ATP1A3: variants seen among roughly 807,000 people sequenced by gnomAD.
ATP1A3 encodes the protein ATPase Na+/K+ transporting subunit alpha 3.
ATP1A3 carries 12 observed loss-of-function variants against 108.8 expected under a neutral mutation model. The observed-to-expected ratio is 0.11, with a 90% confidence interval of 0.07 to 0.18. ATP1A3 has a LOEUF of 0.18. Ranked by LOEUF, ATP1A3 falls within the 10% of genes least tolerant of loss-of-function variation. The pLI, the probability that ATP1A3 is intolerant of heterozygous loss-of-function variation, is 1.00. For missense variants in ATP1A3, 498 were observed against 1,387.7 expected, an observed-to-expected ratio of 0.36 and a Z score of 10.19; for synonymous variants, 539 against 564.5, an observed-to-expected ratio of 0.95 and a Z score of 0.64.
At position 41,981,379 on chromosome 19, in the gene ATP1A3, C is replaced by G; in HGVS notation, c.1437+123G>C. ...TCTCAAGCTCTCCCTGTTCCTCTCC[C>G]CACCAGGCGGGTATTATCATTCCCA... On this transcript the variant is annotated intron_variant, in intron 11 of 22. Transcript: ENST00000648268. The surrounding 1 kb of genome is among the most constrained non-coding windows in gnomAD (Gnocchi z 5.0). 1 of 1,481,836 alleles carries G rather than the reference C, an allele frequency of 6.7e-7. No individual in the cohort carries two copies. 91.8% of individuals were successfully genotyped at this position (1,481,836 alleles called of 1,614,324 possible).
At chr19:41,974,861 C>T (rs2075149058) in intron 16 of ATP1A3, among the ~76,000 whole-genome samples, 1 of 152,232 alleles carries the variant, frequency 6.6e-6, no homozygotes, top group Non-Finnish European at 1.5e-5. Context: ...CCCAGCCCCT[C>T]ACACCGCCTT....
chr19:41,992,619 T>C (rs2075351141), intron 1 of ATP1A3, among the ~76,000 whole-genome samples: 1 of 152,002 alleles, frequency 6.6e-6, no homozygotes, highest in Non-Finnish European at 1.5e-5. Flanking sequence ...TCTGTCCTTG[T>C]GTCTCTTCCT....
At chr19:41,993,456 G>GCACA (rs148508295) in intron 1 of ATP1A3, 5 of 1,514,624 alleles carry the variant, frequency 3.3e-6, no homozygotes, top group Non-Finnish European at 3.5e-6. Context: ...ATGAGGGGCT[G>GCACA]CACACACACA....
rs1313397251 is a variant in ATP1A3, at chr19:41,985,690, G to A, written c.606+174C>T. Among the ~76,000 whole-genome samples the A allele has an allele frequency of 6.6e-6, 1 of 152,014 alleles. No individual in the cohort carries two copies. The highest frequency in any genetic ancestry group is 1.5e-5 in the Non-Finnish European group (1 of 67,982). On this transcript the variant is annotated intron_variant, in intron 6 of 22. Coordinates refer to ENST00000648268, the MANE Select transcript of ATP1A3 (RefSeq NM_152296.5). This position sits in a 1 kb window ranked among gnomAD's most constrained non-coding sequence, Gnocchi z 8.2. ...ACTCCTGACTGTTGGGTGAGGAGGTGGCCCAGGGCCTAAACTCCTGGGTCT... is the reference window on the plus strand; with the variant it reads ...ACTCCTGACTGTTGGGTGAGGAGGTAGCCCAGGGCCTAAACTCCTGGGTCT...
rs2075068374 is a variant in ATP1A3, at chr19:41,968,501, T to A, written c.2819+284A>T. On this transcript the variant is annotated intron_variant, in intron 20 of 22. Coordinates refer to ENST00000648268, the MANE Select transcript of ATP1A3 (RefSeq NM_152296.5). The surrounding 1 kb of genome is among the most constrained non-coding windows in gnomAD (Gnocchi z 5.0). ...TCCAGCCTGGGCAACAGAGCAAGAC[T>A]CTGTCTCTAAATAAATAAATAAAAA... Among the ~76,000 whole-genome samples the A allele has an allele frequency of 6.6e-6, 1 of 152,118 alleles. No individual in the cohort carries two copies. The highest frequency in any genetic ancestry group is 1.5e-5 in the Non-Finnish European group (1 of 68,010).
intron 8 of ATP1A3, 42 bp downstream of exon 8, chr19:41,984,876 C>T: frequency 6.3e-7 from 1 of 1,587,774 alleles, no homozygotes; most frequent in South Asian, 1.1e-5. Flanking sequence ...GGAGCCCAGA[C>T]CCCCAGGCCC....
rs781798155 is a variant in ATP1A3 at position 41,969,406 on chromosome 19, G to T, written c.2688+29C>A. 3.1e-6 allele frequency: 5 copies of T among 1,613,900 alleles called. No homozygotes were observed. In the Admixed American group the frequency reaches 8.3e-5, roughly 27 times the overall value. On this transcript the variant is annotated intron_variant, in intron 19 of 22. Coordinates refer to ENST00000648268, the MANE Select transcript of ATP1A3 (RefSeq NM_152296.5). ...GCTCACCCCGGGGATCTTACGGTGG[G>T]CAGAGACACAGCACCCTGCCCTACT... is the stretch of plus-strand genomic sequence containing the variant.
At chr19:41,993,459 C>A in intron 1 of ATP1A3, 5 of 1,532,722 alleles carry the variant, frequency 3.3e-6, no homozygotes, top group Non-Finnish European at 4.4e-6. Flanking sequence ...AGGGGCTGCA[C>A]ACACACACAC....
chr19:41,982,349 G>A (rs1459449303), intron 8 of ATP1A3, among the ~76,000 whole-genome samples: 2 of 152,166 alleles, frequency 1.3e-5, no homozygotes, highest in Non-Finnish European at 2.9e-5. Flanking sequence ...AAAACAGCCA[G>A]GTGCAGTGGC....
chr19:41,978,247 C>T lies in ATP1A3; in HGVS notation c.1710G>A (p.Thr570=), dbSNP rs781840505. The T allele has an allele frequency of 1.9e-6, 3 of 1,613,876 alleles. No individual in the cohort carries two copies. The highest frequency in any genetic ancestry group is 2.5e-6 in the Non-Finnish European group (3 of 1,179,962). The change falls in exon 13 of 23, where the codon ACG becomes ACA. Residue 570 remains threonine (T), a synonymous_variant. Transcript: ENST00000648268. This position sits in a 1 kb window ranked among gnomAD's most constrained non-coding sequence, Gnocchi z 8.3. ...AFDCDDVNFT[T]DNLCFVGLMS... is the part of the protein sequence containing the mutation. ...TGAGGCCCACAAAGCAGAGGTTGTC[C>T]GTGGTGAAGTTCACGTCATCACAGT...
chr19:41,968,335 G>A lies in ATP1A3; in HGVS notation c.2819+450C>T, dbSNP rs968086560. On this transcript the variant is annotated intron_variant, in intron 20 of 22. Transcript: ENST00000648268. This position sits in a 1 kb window ranked among gnomAD's most constrained non-coding sequence, Gnocchi z 5.0. ...TTGAGACCAGCCTGGGCAACATGGT[G>A]AAACTCTACTAAAAATACGAAAAAT... Among the ~76,000 whole-genome samples, 7 of 152,124 alleles carry A rather than the reference G, an allele frequency of 4.6e-5. No individual in the cohort carries two copies. The highest frequency in any genetic ancestry group is 3.4e-3 in the Middle Eastern group (1 of 294).
intron 5 of ATP1A3, 29 bp downstream of exon 5, chr19:41,986,087 C>A (rs185926736): frequency 6.2e-7 from 1 of 1,614,150 alleles, no homozygotes; most frequent in Non-Finnish European, 8.5e-7. Flanking sequence ...CTAACACCCC[C>A]GTCTGGCCCC....
At chr19:41,993,308 A>G in intron 1 of ATP1A3, 1 of 1,360,756 alleles carries the variant, frequency 7.3e-7, no homozygotes, top group Non-Finnish European at 1.0e-6. Context: ...ACACGGACAC[A>G]GAGGCAAGGA....
Position 41,968,913 on chromosome 19 carries a change from T to C in ATP1A3, c.2691A>G (p.Thr897=), listed in dbSNP as rs1310293150. Residue 897 remains threonine, a splice_region_variant and synonymous_variant, in exon 20 of 23, where the codon ACA becomes ACG. Coordinates refer to ENST00000648268, the MANE Select transcript of ATP1A3 (RefSeq NM_152296.5). This position sits in a 1 kb window ranked among gnomAD's most constrained non-coding sequence, Gnocchi z 5.0. ...ACTCCACCACCTTCCTCTGCTCGTATGTCTGCAGGAGCGGTGACCAGGGCA... is the reference window on the plus strand; with the variant it reads ...ACTCCACCACCTTCCTCTGCTCGTACGTCTGCAGGAGCGGTGACCAGGGCA... ...DLEDSYGQQW[T]YEQRKVVEFT... is the part of the protein sequence containing the mutation. The C allele has an allele frequency of 2.5e-6, 4 of 1,613,748 alleles. No individual in the cohort carries two copies. The highest frequency in any genetic ancestry group is 3.3e-5 in the Admixed American group (2 of 59,988).
At position 41,985,076 on chromosome 19, in the gene ATP1A3, C is replaced by T. The variant is rs1333580568; in HGVS notation, c.835G>A (p.Glu279Lys). 1 of 1,613,776 alleles carries T rather than the reference C, an allele frequency of 6.2e-7. No homozygotes were observed. Among genetic ancestry groups the T allele is most frequent in the Non-Finnish European group, 8.5e-7 (1 of 1,179,910 alleles). The change falls in exon 8 of 23, where the codon GAG (glutamate) becomes AAG (lysine). Residue 279 changes from glutamate (E) to lysine (K), a missense_variant. By Grantham distance (56) the Glu-to-Lys change is moderately conservative. This residue lies in a region of ATP1A3 where 127 missense variants were observed against 464.0 expected (regional missense o/e 0.27). Transcript: ENST00000648268. The surrounding 1 kb of genome is among the most constrained non-coding windows in gnomAD (Gnocchi z 8.2). The part of the protein sequence containing the change: ...VGKTPIAIEI[E>K]HFIQLITGVA... Reference sequence around the variant, plus strand: ...CCGGTGATGAGCTGGATGAAGTGCTCAATCTCGATGGCGATGGGCGTCTTG... The same window carrying T: ...CCGGTGATGAGCTGGATGAAGTGCTTAATCTCGATGGCGATGGGCGTCTTG...
chr19:41,993,714 C>T, intron 1 of ATP1A3: 1 of 603,266 alleles, frequency 1.7e-6, no homozygotes, highest in Non-Finnish European at 2.9e-6. Flanking sequence ...CGATCGCAGA[C>T]TTTCAGACAC....
intron 4 of ATP1A3, among the ~76,000 whole-genome samples, chr19:41,987,354 TTC>T (rs548429536): frequency 1.3e-5 from 2 of 152,150 alleles, no homozygotes; most frequent in Non-Finnish European, 1.5e-5. Context: ...GTGTGTGAGT[TTC>T]TCTGTCAGTG....
At chr19:41,980,950 C>T (rs1284035757) in intron 11 of ATP1A3, among the ~76,000 whole-genome samples, 2 of 150,946 alleles carry the variant, frequency 1.3e-5, no homozygotes, top group African/African-American at 4.9e-5. Flanking sequence ...AAAGTTGCTG[C>T]TCTGCCCCAA....
intron 11 of ATP1A3, among the ~76,000 whole-genome samples, chr19:41,979,429 T>G (rs781800949): frequency 2.0e-5 from 3 of 151,964 alleles, no homozygotes; most frequent in Non-Finnish European, 2.9e-5. Context: ...ATCCTCCCGC[T>G]TCGGTCTCCC....
Sources: gnomAD v4.1 joint callset for allele counts (sites outside exome capture counted in the v4.1 genomes callset) on GRCh38, gnomAD v4.1.1 for gene constraint, gnomAD v4.1.1 regional missense constraint, Gnocchi (gnomAD v3.1) non-coding constraint, MANE v1.5 for transcripts, NCBI Gene and HGNC (gene_info 2026-07-23, HGNC 2026-07-21) for gene names.